The following LRRC61 variants were observed in gnomAD, a reference collection of about 807,000 sequenced individuals.
LRRC61 encodes the protein leucine rich repeat containing 61.
A neutral mutation model predicts 15.1 loss-of-function variants in LRRC61; 9 were observed. The ratio of observed to expected loss-of-function variants is 0.60; its 90% CI spans 0.36 to 1.04. The LOEUF (loss-of-function observed/expected upper bound fraction) is 1.04, where lower values mean the gene tolerates loss of function less well. Ranked by LOEUF, LRRC61 falls within the 50% of genes least tolerant of loss-of-function variation. The pLI, the probability that LRRC61 is intolerant of heterozygous loss-of-function variation, is 0.01. For synonymous variants in LRRC61, 173 were observed against 158.6 expected, an observed-to-expected ratio of 1.09 and a Z score of -0.68; for missense variants, 344 against 335.6, an observed-to-expected ratio of 1.03 and a Z score of -0.20.
intron 2 of LRRC61, chr7:150,328,890 A>T (rs1798024080): frequency 6.6e-6 from 1 of 152,218 alleles, no homozygotes; most frequent in Non-Finnish European, 1.5e-5. Flanking sequence ...TAGGCCTAGC[A>T]CAGTCCAGTG....
upstream of LRRC61, among the ~76,000 whole-genome samples, chr7:150,318,395 T>C (rs2129617444): frequency 6.6e-6 from 1 of 152,348 alleles, no homozygotes; most frequent in South Asian, 2.1e-4. Flanking sequence ...AATACATTTC[T>C]GTTGTTTTAG....
At chr7:150,331,235 C>A in intron 2 of LRRC61, 1 of 974,020 alleles carries the variant, frequency 1.0e-6, no homozygotes, top group South Asian at 1.7e-5. Context: ...CCCAACTACA[C>A]CCCGCCTCCC....
chr7:150,322,070 C>G (rs946160192), upstream of LRRC61, among the ~76,000 whole-genome samples: 1 of 152,232 alleles, frequency 6.6e-6, no homozygotes, highest in African/African-American at 2.4e-5. Flanking sequence ...TGTGCTCGTC[C>G]AGGGAACATG....
chr7:150,309,756 C>A, the LRRC61 span, among the ~76,000 whole-genome samples: 1 of 152,274 alleles, frequency 6.6e-6, no homozygotes, highest in Non-Finnish European at 1.5e-5. Flanking sequence ...ACTTCTAGGG[C>A]CCCTGGAGCT....
intron 2 of LRRC61, among the ~76,000 whole-genome samples, chr7:150,326,764 G>T (rs879275840): frequency 2.6e-5 from 4 of 152,084 alleles, no homozygotes; most frequent in Non-Finnish European, 4.4e-5. Context: ...ACACTCTGGG[G>T]TTGCAGTTTC....
Position 150,337,416 on chromosome 7 carries a change from C to A in LRRC61, c.555C>A (p.Pro185=). The change falls in exon 3 of 3, where the codon CCC becomes CCA. Residue 185 remains proline (P), a synonymous_variant. Coordinates refer to ENST00000359623, the MANE Select transcript of LRRC61 (RefSeq NM_001142928.2). Reference sequence around the variant, plus strand: ...GAGACCTGGACAGCTCCTTGCGTCCCAGCTCCAGTCCAGGCCCCAGAGCCA... The same window carrying A: ...GAGACCTGGACAGCTCCTTGCGTCCAAGCTCCAGTCCAGGCCCCAGAGCCA... ...LCRDLDSSLR[P]SSSPGPRATE... 1 of 1,605,598 alleles carries A rather than the reference C, an allele frequency of 6.2e-7. No individual in the cohort carries two copies. The highest frequency in any genetic ancestry group is 2.2e-5 in the East Asian group (1 of 44,870).
the LRRC61 span, among the ~76,000 whole-genome samples, chr7:150,316,154 G>A: frequency 6.6e-6 from 1 of 152,154 alleles, no homozygotes; most frequent in Non-Finnish European, 1.5e-5. Context: ...CCGAGATCAC[G>A]CCATTGCACT....
intron 1 of LRRC61, among the ~76,000 whole-genome samples, chr7:150,323,988 A>G (rs1416990041): frequency 6.6e-6 from 1 of 152,220 alleles, no homozygotes; most frequent in African/African-American, 2.4e-5. Flanking sequence ...TTTGCACAGT[A>G]TGAAACCTAA....
rs1367067832 is a variant in LRRC61 at position 150,335,479 on chromosome 7, A to C, written c.-144-1239A>C. On this transcript the variant is annotated intron_variant, in intron 2 of 2. Coordinates refer to ENST00000359623, the MANE Select transcript of LRRC61 (RefSeq NM_001142928.2). The surrounding 1 kb of genome is among the most constrained non-coding windows in gnomAD (Gnocchi z 4.3). ...CAGATGGGGTGTAGAGGACATAAGG[A>C]TGGCAAGACCGTTTACATCCTCGCC... Among the ~76,000 whole-genome samples the C allele has an allele frequency of 2.0e-5, 3 of 152,216 alleles. No homozygotes were observed. Among genetic ancestry groups the C allele is most frequent in the Non-Finnish European group, 4.4e-5 (3 of 68,036 alleles).
chr7:150,337,685 C>A lies in LRRC61; in HGVS notation c.*44C>A. The A allele has an allele frequency of 6.7e-7, 1 of 1,502,738 alleles. No individual in the cohort carries two copies. The highest frequency in any genetic ancestry group is 8.9e-7 in the Non-Finnish European group (1 of 1,125,566). 93.1% of individuals were successfully genotyped at this position (1,502,738 alleles called of 1,614,324 possible). A position where few individuals can be genotyped will look rare whatever the true frequency, so the allele number is the denominator to read the frequency against. The stretch of plus-strand genomic sequence containing the variant: ...GACAGCCTGGCAGGTGGCCTCGCTG[C>A]CCCCAGTTCCCCTCTCTGCCCCCAC... On this transcript the variant is annotated 3_prime_UTR_variant, in exon 3 of 3. Transcript: ENST00000359623.
At chr7:150,321,141 T>A (rs1797467742), upstream of LRRC61, among the ~76,000 whole-genome samples, 1 of 152,100 alleles carries the variant, frequency 6.6e-6, no homozygotes, top group African/African-American at 2.4e-5. Context: ...TCAGCAAAAA[T>A]CTCCCTAACC....
intron 2 of LRRC61, among the ~76,000 whole-genome samples, chr7:150,327,717 A>G (rs1010367418): frequency 2.0e-5 from 3 of 151,200 alleles, no homozygotes; most frequent in African/African-American, 7.3e-5. Flanking sequence ...GCTACTTGGG[A>G]GCTGAGGTGG....
upstream of LRRC61, among the ~76,000 whole-genome samples, chr7:150,320,503 C>T (rs1322742476): frequency 6.6e-6 from 1 of 152,120 alleles, no homozygotes; most frequent in African/African-American, 2.4e-5. Flanking sequence ...TGGCTCAAGC[C>T]TGTAATCCCA....
At chr7:150,314,765 T>A in the LRRC61 span, among the ~76,000 whole-genome samples, 1 of 134,886 alleles carries the variant, frequency 7.4e-6, no homozygotes. Flanking sequence ...CAAAATCCCA[T>A]CTCTCCAAAA....
In LRRC61 at chr7:150,330,795, G is replaced by A. The variant is rs556643007; in HGVS notation, c.-145+4785G>A. 93 of 1,613,194 alleles carry A rather than the reference G, an allele frequency of 5.8e-5. No individual in the cohort carries two copies. Among genetic ancestry groups the A allele is most frequent in the Admixed American group, 5.7e-4 (34 of 60,016 alleles). On this transcript the variant is annotated intron_variant, in intron 2 of 2. Transcript: ENST00000359623. This position sits in a 1 kb window ranked among gnomAD's most constrained non-coding sequence, Gnocchi z 4.6. Reference sequence around the variant, plus strand: ...CCTGCAAAGCCCCAGGGGTCTGTGCGTGGACCCCACCAGGGTAGCCAAGAG... The same window carrying A: ...CCTGCAAAGCCCCAGGGGTCTGTGCATGGACCCCACCAGGGTAGCCAAGAG...
In LRRC61 at chr7:150,333,142, A is replaced by G. The variant is rs1798167092; in HGVS notation, c.-144-3576A>G. ...TCTGGGAGAGGACTGGGAGGCCTAG[A>G]ATGGTGAGGCAGCGAGGCTCGGGAG... On this transcript the variant is annotated intron_variant, in intron 2 of 2. Transcript: ENST00000359623. The surrounding 1 kb of genome is among the most constrained non-coding windows in gnomAD (Gnocchi z 4.3). Among the ~76,000 whole-genome samples, 1 of 152,098 alleles carries G rather than the reference A, an allele frequency of 6.6e-6. No individual in the cohort carries two copies. Among genetic ancestry groups the G allele is most frequent in the Admixed American group, 6.5e-5 (1 of 15,274 alleles).
the LRRC61 span, among the ~76,000 whole-genome samples, chr7:150,316,782 C>T: frequency 6.6e-6 from 1 of 152,120 alleles, no homozygotes; most frequent in Non-Finnish European, 1.5e-5. Flanking sequence ...CCACGCCTGG[C>T]CAAGAATCTG....
Position 150,337,345 on chromosome 7 carries a change from G to A in LRRC61, c.484G>A (p.Gly162Ser), listed in dbSNP as rs755308143. 5.6e-6 allele frequency: 9 copies of A among 1,604,548 alleles called. No individual in the cohort carries two copies. Among genetic ancestry groups the A allele is most frequent in the Admixed American group, 1.7e-5 (1 of 60,020 alleles). Residue 162 changes from glycine (G) to serine (S), a missense_variant, in exon 3 of 3, where the codon GGT becomes AGT. Transcript: ENST00000359623. Reference protein sequence around the residue: ...ELLPGLKVIDGERVIGRGSEF... With the variant: ...ELLPGLKVIDSERVIGRGSEF... ...GCTGCCTGGCCTGAAAGTCATCGAC[G>A]GTGAGCGTGTGATTGGGCGTGGTAG...
At position 150,330,019 on chromosome 7, in the gene LRRC61, C is replaced by T. The variant is rs1798054601; in HGVS notation, c.-145+4009C>T. On this transcript the variant is annotated intron_variant, in intron 2 of 2. Coordinates refer to ENST00000359623, the MANE Select transcript of LRRC61 (RefSeq NM_001142928.2). This position sits in a 1 kb window ranked among gnomAD's most constrained non-coding sequence, Gnocchi z 4.6. ...AGCAGCTGCCCCAGCCTGGAGCAGG[C>T]GGCCAAGGGTGAGGGCTGTTCCCCC... The T allele has an allele frequency of 5.4e-6, 1 of 185,470 alleles. No homozygotes were observed. 11.5% of individuals were successfully genotyped at this position (185,470 alleles called of 1,614,324 possible).
Sources: allele counts gnomAD v4.1 joint callset (sites outside exome capture counted in the v4.1 genomes callset), GRCh38; gene constraint gnomAD v4.1.1; non-coding constraint Gnocchi (gnomAD v3.1); transcripts MANE v1.5; gene names NCBI Gene and HGNC (gene_info 2026-07-23, HGNC 2026-07-21).